PTPRN2: variants seen among roughly 807,000 people sequenced by gnomAD.
PTPRN2 encodes the protein receptor-type tyrosine-protein phosphatase N2.
Under a neutral mutation model 118.8 loss-of-function variants are expected in PTPRN2, and 74 were observed. The observed-to-expected ratio is 0.62, with a 90% CI of 0.52 to 0.76. The LOEUF is 0.76. Ranked by LOEUF, PTPRN2 falls within the 30% of genes least tolerant of loss-of-function variation. The probability of loss-of-function intolerance (pLI) is 0.00; values close to 1 mark genes in which losing one functional copy is unlikely to be tolerated. For synonymous variants in PTPRN2, 641 were observed against 608.0 expected (o/e 1.05, Z -0.80); for missense variants, 1,481 against 1,394.4 (o/e 1.06, Z -0.99).
intron 12 of PTPRN2, among the ~76,000 whole-genome samples, chr7:157,685,673 C>T (rs534407799): frequency 3.0e-4 from 46 of 152,300 alleles, no homozygotes; most frequent in African/African-American, 9.9e-4. Context: ...GCTCCGCACG[C>T]GCGGGAGCGG....
At chr7:158,303,945 C>T (rs762619978) in intron 3 of PTPRN2, among the ~76,000 whole-genome samples, 13 of 152,268 alleles carry the variant, frequency 8.5e-5, no homozygotes, top group Non-Finnish European at 1.5e-4. Context: ...CCAGGAGAGC[C>T]TAAGATCATG....
intron 13 of PTPRN2, among the ~76,000 whole-genome samples, chr7:157,657,910 A>G (rs1795670412): frequency 7.1e-6 from 1 of 140,730 alleles, no homozygotes; most frequent in Non-Finnish European, 1.5e-5. Flanking sequence ...AGACACACAC[A>G]CACCACACAC....
intron 1 of PTPRN2, among the ~76,000 whole-genome samples, chr7:158,521,577 G>GA (rs1212065628): frequency 1.9e-5 from 1 of 53,422 alleles, no homozygotes. Context: ...CTGGCTCAGG[G>GA]GGGAGGTCCA....
At position 157,787,910 on chromosome 7, in the gene PTPRN2, C is replaced by A. The variant is rs557360845; in HGVS notation, c.1789-104973G>T. Among the ~76,000 whole-genome samples, 263 of 152,294 alleles carry A rather than the reference C, an allele frequency of 1.7e-3. 1 individual carries two copies. Among genetic ancestry groups the A allele is most frequent in the African/African-American group, 6.2e-3 (257 of 41,556 alleles). On this transcript the variant is annotated intron_variant, in intron 12 of 22. Transcript: ENST00000389418. This position sits in a 1 kb window ranked among gnomAD's most constrained non-coding sequence, Gnocchi z 5.3. ...AAAAGCTGCTGGCAACATCGACGTC[C>A]CCAAGACACTGACAGGCCTGGAGGT...
At chr7:158,138,618 G>T in intron 6 of PTPRN2, 103 bp from the exon 7 acceptor site, 1 of 1,093,280 alleles carries the variant, frequency 9.1e-7, no homozygotes, top group Non-Finnish European at 1.3e-6. Flanking sequence ...GCGTCCCAAG[G>T]CAGTGGCCAC....
chr7:158,177,961 T>C (rs1029917559), intron 5 of PTPRN2, among the ~76,000 whole-genome samples: 4 of 152,236 alleles, frequency 2.6e-5, no homozygotes, highest in African/African-American at 9.6e-5. Flanking sequence ...TCGTTGTTAA[T>C]GTTTTACATT....
intron 2 of PTPRN2, among the ~76,000 whole-genome samples, chr7:158,466,373 CTTTT>C (rs760814560): frequency 6.7e-6 from 1 of 149,626 alleles, no homozygotes; most frequent in Non-Finnish European, 1.5e-5. Flanking sequence ...ATGTAGTCAA[CTTTT>C]TTTTTTAAGA....
chr7:157,747,085 A>G lies in PTPRN2; in HGVS notation c.1789-64148T>C, dbSNP rs375635249. On this transcript the variant is annotated intron_variant, in intron 12 of 22. Coordinates refer to ENST00000389418, the MANE Select transcript of PTPRN2 (RefSeq NM_002847.5). ...GTGTCCGGGTGATTCTGAGGCCTGC[A>G]TCTCTGAGCTGTGGGCTGTTGAGGC... Among the ~76,000 whole-genome samples, 397 of 52,130 alleles carry G rather than the reference A, an allele frequency of 7.6e-3. 2 individuals carry two copies. Among genetic ancestry groups the G allele is most frequent in the African/African-American group, 0.022 (233 of 10,756 alleles). The allele number at this position is 52,130 out of a possible 152,430, so 34.2% of individuals were successfully genotyped here. A position where few individuals can be genotyped will look rare whatever the true frequency, so the allele number is the denominator to read the frequency against.
At chr7:158,429,315 G>A (rs1263880437) in intron 2 of PTPRN2, among the ~76,000 whole-genome samples, 1 of 152,208 alleles carries the variant, frequency 6.6e-6, no homozygotes. Flanking sequence ...CCGGCACAAA[G>A]GAAACCTTAG....
At chr7:158,336,248 C>G (rs1192624861) in intron 2 of PTPRN2, among the ~76,000 whole-genome samples, 1 of 74,504 alleles carries the variant, frequency 1.3e-5, no homozygotes, top group Non-Finnish European at 2.7e-5. Context: ...CACCCACACA[C>G]GTCACTCGCA....
chr7:157,626,581 C>T (rs905095143), intron 14 of PTPRN2, among the ~76,000 whole-genome samples: 2 of 152,092 alleles, frequency 1.3e-5, no homozygotes, highest in African/African-American at 2.4e-5. Flanking sequence ...TTCAAACATA[C>T]GTCTCTGTGG....
chr7:158,126,025 G>A lies in PTPRN2; in HGVS notation c.1556+7652C>T, dbSNP rs546543085. ...ACCACACCAGCCCCGGAGAGCGGGC[G>A]GCGGAACTTCCTCTCCGCCACACCA... On this transcript the variant is annotated intron_variant, in intron 9 of 22. Coordinates refer to ENST00000389418, the MANE Select transcript of PTPRN2 (RefSeq NM_002847.5). Among the ~76,000 whole-genome samples the A allele has an allele frequency of 2.3e-3, 354 of 150,658 alleles. 1 individual carries two copies. Among genetic ancestry groups the A allele is most frequent in the Non-Finnish European group, 4.1e-3 (277 of 67,510 alleles).
At chr7:158,478,452 C>T (rs1016566506) in intron 2 of PTPRN2, among the ~76,000 whole-genome samples, 49 of 152,160 alleles carry the variant, frequency 3.2e-4, no homozygotes, top group African/African-American at 1.1e-3. Flanking sequence ...ACGTCGGTAA[C>T]GAATGAGGAG....
chr7:157,819,039 G>A (rs557109726), intron 12 of PTPRN2, among the ~76,000 whole-genome samples: 30 of 152,262 alleles, frequency 2.0e-4, no homozygotes, highest in Admixed American at 1.6e-3. Flanking sequence ...ATCAGCCCAC[G>A]TGCCTGTGGG....
intron 2 of PTPRN2, among the ~76,000 whole-genome samples, chr7:158,398,152 G>A (rs560879136): frequency 3.9e-5 from 6 of 152,314 alleles, no homozygotes; most frequent in African/African-American, 7.2e-5. Flanking sequence ...CTAGCAACCC[G>A]TCATTCATCA....
chr7:158,388,704 G>T (rs890680317), intron 2 of PTPRN2, among the ~76,000 whole-genome samples: 2 of 152,090 alleles, frequency 1.3e-5, no homozygotes, highest in Middle Eastern at 3.2e-3. Context: ...AGTTGGGGGG[G>T]CCTGAAAGGC....
At chr7:158,475,788 T>C (rs900617192) in intron 2 of PTPRN2, among the ~76,000 whole-genome samples, 1 of 152,154 alleles carries the variant, frequency 6.6e-6, no homozygotes, top group Non-Finnish European at 1.5e-5. Context: ...ATTTATTCTC[T>C]TAGTGGGGAT....
chr7:158,139,489 G>T (rs978238953), intron 6 of PTPRN2, among the ~76,000 whole-genome samples: 1 of 151,186 alleles, frequency 6.6e-6, no homozygotes, highest in African/African-American at 2.5e-5. Context: ...AGTCAGGAGG[G>T]CACGGGGGGG....
intron 1 of PTPRN2, among the ~76,000 whole-genome samples, chr7:158,492,174 C>T (rs966694955): frequency 2.6e-5 from 4 of 152,172 alleles, no homozygotes; most frequent in Non-Finnish European, 2.9e-5. Flanking sequence ...GTGACCACAC[C>T]GGAGATGTGC....
Sources: allele counts gnomAD v4.1 joint callset (sites outside exome capture counted in the v4.1 genomes callset), GRCh38; gene constraint gnomAD v4.1.1; non-coding constraint Gnocchi (gnomAD v3.1); transcripts MANE v1.5; gene names NCBI Gene and HGNC (gene_info 2026-07-23, HGNC 2026-07-21).